The following ABCC1 variants were observed in gnomAD, a reference collection of about 807,000 sequenced individuals.
ABCC1 encodes ATP binding cassette subfamily C member 1 (ABCC1 blood group).
ABCC1 carries 83 observed loss-of-function variants against 172.9 expected under a neutral mutation model. The ratio of observed to expected loss-of-function variants is 0.48; its 90% CI spans 0.40 to 0.58. The LOEUF (loss-of-function observed/expected upper bound fraction) is 0.58, where lower values mean the gene tolerates loss of function less well. Among genes scored for constraint, ABCC1 ranks in the 20% least tolerant of loss-of-function variants. The probability of loss-of-function intolerance (pLI) is 0.00; values close to 1 mark genes in which losing one functional copy is unlikely to be tolerated. For missense variants in ABCC1, 1,817 were observed against 2,002.7 expected (o/e 0.91, Z 1.77); for synonymous variants, 937 against 825.2 (o/e 1.14, Z -2.32).
intron 7 of ABCC1, among the ~76,000 whole-genome samples, chr16:16,041,989 G>A (rs527241969): frequency 1.2e-3 from 180 of 152,074 alleles, no homozygotes; most frequent in African/African-American, 4.1e-3. Flanking sequence ...CCAGCTACAG[G>A]GGGGCTGAAG....
At chr16:16,091,346 C>G (rs2051246911) in intron 19 of ABCC1, among the ~76,000 whole-genome samples, 1 of 144,886 alleles carries the variant, frequency 6.9e-6, no homozygotes, top group Non-Finnish European at 1.5e-5. Context: ...GGGTGGATCC[C>G]TTGAAGCCAG....
At chr16:16,051,753 A>T (rs994307995) in intron 10 of ABCC1, among the ~76,000 whole-genome samples, 3 of 152,322 alleles carry the variant, frequency 2.0e-5, no homozygotes, top group African/African-American at 7.2e-5. Context: ...GGTGTTCAGC[A>T]TAAACCATAT....
intron 7 of ABCC1, among the ~76,000 whole-genome samples, chr16:16,043,243 T>TTTTTTC (rs1021835519): frequency 7.1e-6 from 1 of 140,790 alleles, no homozygotes; most frequent in Admixed American, 7.1e-5. Context: ...TTTTTTTTTT[T>TTTTTTC]CCACTGATGT....
At chr16:15,999,656 G>A (rs963829303) in intron 1 of ABCC1, among the ~76,000 whole-genome samples, 1 of 149,766 alleles carries the variant, frequency 6.7e-6, no homozygotes, top group South Asian at 2.1e-4. Context: ...AAAAGAAATG[G>A]GGTCTCACTG....
At chr16:15,982,803 CAA>C (rs148834444) in intron 1 of ABCC1, among the ~76,000 whole-genome samples, 42 of 43,218 alleles carry the variant, frequency 9.7e-4, no homozygotes, top group East Asian at 3.7e-3. Context: ...GAGACGCTGT[CAA>C]AAAAAAAAAA....
At chr16:16,049,187 G>A (rs1312043834) in intron 10 of ABCC1, among the ~76,000 whole-genome samples, 1 of 152,072 alleles carries the variant, frequency 6.6e-6, no homozygotes, top group Non-Finnish European at 1.5e-5. Context: ...GTAGCTTTGG[G>A]CTGATAACAT....
chr16:16,046,786 G>C (rs1452155284), intron 9 of ABCC1, among the ~76,000 whole-genome samples: 1 of 140,216 alleles, frequency 7.1e-6, no homozygotes, highest in African/African-American at 2.7e-5. Flanking sequence ...TTTTTGTCTC[G>C]AGGTCAAGGA....
rs897599908 is a variant in ABCC1 at position 16,079,433 on chromosome 16, C to T, written c.2070C>T (p.Ala690=). 4.3e-6 allele frequency: 7 copies of T among 1,613,848 alleles called. No homozygotes were observed. The African/African-American group carries it at 9.3e-5, about 22-fold the overall frequency. ...VGCGKSSLLS[A]LLAEMDKVEG... ...GCGGAAAGTCGTCCCTGCTCTCAGC[C>T]CTCTTGGCTGAGATGGACAAAGTGG... The change falls in exon 16 of 31, where the codon GCC becomes GCT. Residue 690 remains alanine, a synonymous_variant. Transcript: ENST00000399410.
At chr16:16,080,717 G>C (rs1047079700) in intron 16 of ABCC1, among the ~76,000 whole-genome samples, 1 of 152,134 alleles carries the variant, frequency 6.6e-6, no homozygotes, top group African/African-American at 2.4e-5. Flanking sequence ...CAAATTAAAG[G>C]CTCTGACAAG....
chr16:16,000,774 C>G (rs543923619), intron 1 of ABCC1, among the ~76,000 whole-genome samples: 1 of 152,296 alleles, frequency 6.6e-6, no homozygotes, highest in South Asian at 2.1e-4. Context: ...TATTACTTAA[C>G]AACCAAAACA....
At position 16,014,526 on chromosome 16, in the gene ABCC1, G is replaced by T; in HGVS notation, c.387G>T (p.Arg129Ser). 6.2e-7 allele frequency: 1 copy of T among 1,614,110 alleles called. No individual in the cohort carries two copies. Among genetic ancestry groups the T allele is most frequent in the Non-Finnish European group, 8.5e-7 (1 of 1,180,022 alleles). Residue 129 changes from arginine (R) to serine (S), a missense_variant, in exon 4 of 31, where the codon AGG (arginine) becomes AGT (serine). By Grantham distance (110) the Arg-to-Ser change is moderately radical. Transcript: ENST00000399410. ...CCTTTTTAATTCAGCTGGAGAGGAG[G>T]AAGGGAGTTCAGTCTTCAGGGATCA... is the stretch of plus-strand genomic sequence containing the variant. ...LATFLIQLERRKGVQSSGIML... is the reference protein window; with the variant it reads ...LATFLIQLERSKGVQSSGIML...
chr16:15,958,408 C>T (rs1373430291), intron 1 of ABCC1, among the ~76,000 whole-genome samples: 1 of 152,178 alleles, frequency 6.6e-6, no homozygotes, highest in Admixed American at 6.5e-5. Context: ...CCGTGCCTGG[C>T]CTGTTGCCTT....
At chr16:16,054,782 G>C (rs576240156) in intron 11 of ABCC1, among the ~76,000 whole-genome samples, 2 of 152,324 alleles carry the variant, frequency 1.3e-5, no homozygotes, top group African/African-American at 4.8e-5. Context: ...AAGAGTTCTT[G>C]TGATTGTTAA....
chr16:16,140,379 C>T (rs1036481210), intron 30 of ABCC1, among the ~76,000 whole-genome samples: 2 of 152,180 alleles, frequency 1.3e-5, no homozygotes, highest in African/African-American at 2.4e-5. Flanking sequence ...GACAGGGTCT[C>T]ACCCTGTCGC....
At chr16:16,075,016 G>C (rs2050501698) in intron 14 of ABCC1, among the ~76,000 whole-genome samples, 1 of 147,160 alleles carries the variant, frequency 6.8e-6, no homozygotes, top group South Asian at 2.1e-4. Context: ...GCACGATCTT[G>C]GCTCTCTGCG....
At chr16:16,103,945 C>T (rs958007616) in intron 20 of ABCC1, among the ~76,000 whole-genome samples, 5 of 152,122 alleles carry the variant, frequency 3.3e-5, no homozygotes, top group Admixed American at 6.5e-5. Flanking sequence ...CGGATGTGTT[C>T]GGAGTTTCTT....
At chr16:16,122,685 C>T (rs543203724) in intron 24 of ABCC1, among the ~76,000 whole-genome samples, 33 of 137,848 alleles carry the variant, frequency 2.4e-4, no homozygotes, top group Admixed American at 2.2e-3. Flanking sequence ...CCAGCCTGGG[C>T]AACATAGCAA....
chr16:15,970,375 T>C (rs370971154), intron 1 of ABCC1, among the ~76,000 whole-genome samples: 2 of 152,346 alleles, frequency 1.3e-5, no homozygotes, highest in South Asian at 4.1e-4. Context: ...TACCTAGTCA[T>C]GTGGTGCCTC....
At chr16:16,125,305 T>C (rs983171832) in intron 25 of ABCC1, among the ~76,000 whole-genome samples, 2 of 152,220 alleles carry the variant, frequency 1.3e-5, no homozygotes, top group African/African-American at 4.8e-5. Context: ...CCATGAGTTA[T>C]TTTGGAAATG....
Sources: allele counts gnomAD v4.1 joint callset (sites outside exome capture counted in the v4.1 genomes callset), GRCh38; gene constraint gnomAD v4.1.1; transcripts MANE v1.5; gene names NCBI Gene and HGNC (gene_info 2026-07-23, HGNC 2026-07-21).